Variants in FAM227B observed in about 807,000 individuals in gnomAD.
FAM227B encodes the protein family with sequence similarity 227 member B.
Under a neutral mutation model 73.8 loss-of-function variants are expected in FAM227B, and 88 were observed. The ratio of observed to expected loss-of-function variants is 1.19; its 90% CI spans 1.00 to 1.42. FAM227B has a LOEUF of 1.42. FAM227B is among the 40% of genes most tolerant of loss of function. The pLI is 0.00. For synonymous variants in FAM227B, 210 were observed against 190.5 expected (o/e 1.10, Z -0.84); for missense variants, 632 against 590.9 (o/e 1.07, Z -0.72).
At chr15:49,518,994 C>T (rs577949745) in intron 10 of FAM227B, among the ~76,000 whole-genome samples, 48 of 152,308 alleles carry the variant, frequency 3.2e-4, no homozygotes, top group African/African-American at 1.1e-3. Context: ...AGATAAAATG[C>T]GGGTACAGGC....
intron 11 of FAM227B, among the ~76,000 whole-genome samples, chr15:49,416,612 T>C (rs1597045388): frequency 6.6e-6 from 1 of 152,126 alleles, no homozygotes; most frequent in South Asian, 2.1e-4. Context: ...GAAAATCGCA[T>C]AGTCTCTGTC....
chr15:49,562,048 T>C (rs913238238), intron 9 of FAM227B, among the ~76,000 whole-genome samples: 1 of 151,780 alleles, frequency 6.6e-6, no homozygotes, highest in Non-Finnish European at 1.5e-5. Flanking sequence ...AAAAGGATCA[T>C]CCAAGCCAAA....
chr15:49,568,077 TG>T (rs993786847), intron 9 of FAM227B, among the ~76,000 whole-genome samples, 167 bp downstream of exon 9: 13 of 152,046 alleles, frequency 8.6e-5, no homozygotes, highest in Admixed American at 5.2e-4. Context: ...TACAATATTT[TG>T]AGGGGTTAAT....
At chr15:49,500,518 T>C (rs1432877839) in intron 11 of FAM227B, among the ~76,000 whole-genome samples, 2 of 152,218 alleles carry the variant, frequency 1.3e-5, no homozygotes, top group Non-Finnish European at 2.9e-5. Flanking sequence ...CTCATCATGA[T>C]TGATCATCAG....
intron 11 of FAM227B, among the ~76,000 whole-genome samples, chr15:49,462,439 G>T (rs570981502): frequency 3.2e-4 from 48 of 152,282 alleles, no homozygotes; most frequent in African/African-American, 1.1e-3. Context: ...TAGTCCAGAA[G>T]TATTTTTAGT....
intron 13 of FAM227B, among the ~76,000 whole-genome samples, chr15:49,350,089 T>C (rs1301791370): frequency 6.6e-6 from 1 of 152,198 alleles, no homozygotes; most frequent in Admixed American, 6.5e-5. Context: ...GTGTTGGCTT[T>C]CTGATATCCC....
At chr15:49,403,625 G>T (rs1218664838) in intron 11 of FAM227B, among the ~76,000 whole-genome samples, 1 of 151,794 alleles carries the variant, frequency 6.6e-6, no homozygotes, top group Non-Finnish European at 1.5e-5. Flanking sequence ...TGTCTTTTGT[G>T]ATTGTGTTTG....
At chr15:49,565,900 A>G (rs940088722) in intron 9 of FAM227B, among the ~76,000 whole-genome samples, 1 of 152,210 alleles carries the variant, frequency 6.6e-6, no homozygotes, top group African/African-American at 2.4e-5. Flanking sequence ...TTGGAGTGAT[A>G]CAACCATAAG....
At chr15:49,389,592 C>T (rs1028169342) in intron 11 of FAM227B, among the ~76,000 whole-genome samples, 1 of 146,422 alleles carries the variant, frequency 6.8e-6, no homozygotes, top group Non-Finnish European at 1.5e-5. Context: ...CTATGTAATT[C>T]ATCCATCCAT....
chr15:49,402,125 C>T (rs1378910943), intron 11 of FAM227B, among the ~76,000 whole-genome samples: 1 of 152,062 alleles, frequency 6.6e-6, no homozygotes, highest in African/African-American at 2.4e-5. Flanking sequence ...CCTCTGGTGA[C>T]AAGTAACATC....
intron 11 of FAM227B, among the ~76,000 whole-genome samples, chr15:49,501,853 C>A (rs2058164017): frequency 6.6e-6 from 1 of 152,202 alleles, no homozygotes; most frequent in Non-Finnish European, 1.5e-5. Flanking sequence ...ATGGGTCAGG[C>A]CCAGGGACCT....
intron 10 of FAM227B, among the ~76,000 whole-genome samples, chr15:49,522,126 C>T (rs1045478440): frequency 1.3e-5 from 2 of 152,160 alleles, no homozygotes; most frequent in Non-Finnish European, 2.9e-5. Context: ...ACCCAATACA[C>T]AGCTACAACA....
At chr15:49,434,147 C>G (rs2050870435) in intron 11 of FAM227B, among the ~76,000 whole-genome samples, 1 of 151,616 alleles carries the variant, frequency 6.6e-6, no homozygotes, top group Non-Finnish European at 1.5e-5. Flanking sequence ...GGGTCTCTAA[C>G]TGTACTTCTG....
intron 8 of FAM227B, among the ~76,000 whole-genome samples, chr15:49,571,132 T>C (rs1567605064): frequency 6.6e-6 from 1 of 151,636 alleles, no homozygotes; most frequent in Non-Finnish European, 1.5e-5. Flanking sequence ...CTACTTTCAG[T>C]TTTTTTGTGG....
chr15:49,397,227 A>C (rs1347192211), intron 11 of FAM227B, among the ~76,000 whole-genome samples: 1 of 152,214 alleles, frequency 6.6e-6, no homozygotes, highest in African/African-American at 2.4e-5. Context: ...CGACGCGATC[A>C]ACTAGAAGAA....
chr15:49,542,376 G>A (rs1279612583), intron 9 of FAM227B, among the ~76,000 whole-genome samples: 1 of 152,046 alleles, frequency 6.6e-6, no homozygotes, highest in Non-Finnish European at 1.5e-5. Context: ...GTATCTAATT[G>A]CATGGAAAAG....
intron 14 of FAM227B, among the ~76,000 whole-genome samples, chr15:49,333,371 T>C (rs10438273): frequency 0.95 from 145,004 of 152,270 alleles, 69,108 homozygotes; most frequent in African/African-American, 0.99. Flanking sequence ...TATCCAAATA[T>C]GTATGTTTCA....
chr15:49,395,113 A>G (rs1162972217), intron 11 of FAM227B, among the ~76,000 whole-genome samples: 33 of 152,164 alleles, frequency 2.2e-4, no homozygotes, highest in East Asian at 1.9e-4. Flanking sequence ...GTACACACAT[A>G]TTAATACTTA....
At chr15:49,531,418 G>A (rs2060600967) in intron 10 of FAM227B, among the ~76,000 whole-genome samples, 1 of 151,814 alleles carries the variant, frequency 6.6e-6, no homozygotes, top group African/African-American at 2.4e-5. Context: ...TTAAAGTGTA[G>A]GGAAATAAGA....
Sources: gnomAD v4.1 joint callset for allele counts (sites outside exome capture counted in the v4.1 genomes callset) on GRCh38, gnomAD v4.1.1 for gene constraint, MANE v1.5 for transcripts, NCBI Gene and HGNC (gene_info 2026-07-23, HGNC 2026-07-21) for gene names.